Variants in CREBBP observed in about 807,000 individuals in gnomAD.
CREBBP encodes the protein CREB binding lysine acetyltransferase.
In CREBBP, 19 loss-of-function variants were observed where a neutral mutation model predicts 265.0. The ratio of observed to expected loss-of-function variants is 0.07; its 90% CI spans 0.05 to 0.11. The LOEUF is 0.11. Among genes scored for constraint, CREBBP ranks in the 10% least tolerant of loss-of-function variants. CREBBP has a pLI of 1.00. For synonymous variants in CREBBP, 1,457 were observed against 1,223.7 expected, an observed-to-expected ratio of 1.19 and a Z score of -3.98; for missense variants, 2,525 against 3,219.0, an observed-to-expected ratio of 0.78 and a Z score of 5.22.
chr16:3,741,080 C>T (rs748591615), intron 23 of CREBBP: 4 of 186,432 alleles, frequency 2.1e-5, no homozygotes, highest in Non-Finnish European at 4.6e-5. Context: ...CCTGAGCCAT[C>T]GCCTCGTGCG....
intron 1 of CREBBP, among the ~76,000 whole-genome samples, chr16:3,869,401 G>C (rs992565261): frequency 1.3e-5 from 2 of 152,198 alleles, no homozygotes; most frequent in Non-Finnish European, 2.9e-5. Context: ...GAATATTTTT[G>C]AAGGAGTCTT....
chr16:3,773,215 G>C (rs996936849), intron 13 of CREBBP, among the ~76,000 whole-genome samples: 3 of 152,002 alleles, frequency 2.0e-5, no homozygotes, highest in Non-Finnish European at 2.9e-5. Flanking sequence ...AACAAAAGAG[G>C]AAAAAAGGAA....
chr16:3,834,988 C>A (rs2054415277), intron 2 of CREBBP, among the ~76,000 whole-genome samples: 1 of 152,198 alleles, frequency 6.6e-6, no homozygotes, highest in South Asian at 2.1e-4. Context: ...GAAACCCCGT[C>A]TCTAGTAAAA....
intron 1 of CREBBP, among the ~76,000 whole-genome samples, chr16:3,860,062 C>G (rs2055041944): frequency 6.6e-6 from 1 of 152,094 alleles, no homozygotes; most frequent in Non-Finnish European, 1.5e-5. Context: ...ACCGTGGGAT[C>G]TGACACCATC....
chr16:3,805,214 A>G (rs2053804596), intron 3 of CREBBP, among the ~76,000 whole-genome samples: 1 of 152,260 alleles, frequency 6.6e-6, no homozygotes. Flanking sequence ...ACTCTTAAGA[A>G]TACACAAACA....
chr16:3,745,326 T>G lies in CREBBP; in HGVS notation c.3865A>C (p.Lys1289Gln). The G allele has an allele frequency of 6.2e-7, 1 of 1,614,120 alleles. No individual in the cohort carries two copies. Among genetic ancestry groups the G allele is most frequent in the Non-Finnish European group, 8.5e-7 (1 of 1,179,998 alleles). Residue 1289 changes from lysine (K) to glutamine (Q), a missense_variant, in exon 22 of 31, where the codon AAG (lysine) becomes CAG (glutamine). Physicochemically the swap from Lys to Gln is moderately conservative, Grantham distance 53. Transcript: ENST00000262367. ...TGCAGAACGCAAATCTGATGCATCT[T>G]CCGGCCACACTCCTTGCAATCAACG... is the stretch of plus-strand genomic sequence containing the variant. ...PFVDCKECGR[K>Q]MHQICVLHYD...
In CREBBP at chr16:3,735,970, C is replaced by T. The variant is rs2052047010; in HGVS notation, c.4728+66G>A. 6 of 1,613,710 alleles carry T rather than the reference C, an allele frequency of 3.7e-6. No individual in the cohort carries two copies. In the South Asian group the frequency reaches 4.4e-5, roughly 12 times the overall value. ...AGGACCTAACAGTCGACACGCGCCT[C>T]CCAGCCTGCCACCCTGCAGCTCCAG... On this transcript the variant is annotated intron_variant, in intron 28 of 30. Coordinates refer to ENST00000262367, the MANE Select transcript of CREBBP (RefSeq NM_004380.3).
intron 2 of CREBBP, chr16:3,813,065 A>C (rs1596989127): frequency 4.4e-6 from 1 of 229,068 alleles, no homozygotes; most frequent in East Asian, 6.2e-5. Flanking sequence ...CAGCTCTAAA[A>C]GTCTAGGCTA....
chr16:3,845,043 T>C (rs1024180755), intron 2 of CREBBP, among the ~76,000 whole-genome samples: 1 of 152,220 alleles, frequency 6.6e-6, no homozygotes, highest in Non-Finnish European at 1.5e-5. Context: ...TAGTGAATCT[T>C]ATAAATCCAA....
At chr16:3,819,798 A>G (rs1337039580) in intron 2 of CREBBP, among the ~76,000 whole-genome samples, 1 of 152,232 alleles carries the variant, frequency 6.6e-6, no homozygotes, top group African/African-American at 2.4e-5. Flanking sequence ...AAAATACCCT[A>G]GCCTAACATT....
intron 2 of CREBBP, among the ~76,000 whole-genome samples, chr16:3,819,023 A>G (rs1156421258): frequency 1.3e-5 from 2 of 152,224 alleles, no homozygotes; most frequent in Non-Finnish European, 2.9e-5. Flanking sequence ...CTTCAAGTTC[A>G]CCGGCCTCAC....
At chr16:3,839,965 A>T (rs962012242) in intron 2 of CREBBP, among the ~76,000 whole-genome samples, 1 of 152,132 alleles carries the variant, frequency 6.6e-6, no homozygotes, top group Non-Finnish European at 1.5e-5. Flanking sequence ...ACCTATGATC[A>T]TCTCTCATTA....
intron 1 of CREBBP, among the ~76,000 whole-genome samples, chr16:3,869,066 G>A (rs1167945493): frequency 1.3e-5 from 2 of 152,130 alleles, no homozygotes; most frequent in African/African-American, 4.8e-5. Context: ...CCTCCACCCT[G>A]CTATGAGTGC....
intron 28 of CREBBP, among the ~76,000 whole-genome samples, chr16:3,734,501 G>A (rs2052000356): frequency 6.6e-6 from 1 of 152,150 alleles, no homozygotes; most frequent in Non-Finnish European, 1.5e-5. Flanking sequence ...GCCCCCTCCT[G>A]GGGTGGAACT....
chr16:3,822,371 G>T (rs921669779), intron 2 of CREBBP, among the ~76,000 whole-genome samples: 1 of 152,188 alleles, frequency 6.6e-6, no homozygotes, highest in Non-Finnish European at 1.5e-5. Context: ...AACTCACAAG[G>T]CTTTAAGACA....
At chr16:3,822,534 C>T (rs1176348001) in intron 2 of CREBBP, among the ~76,000 whole-genome samples, 3 of 152,146 alleles carry the variant, frequency 2.0e-5, no homozygotes, top group Non-Finnish European at 2.9e-5. Flanking sequence ...GGAAGAACAG[C>T]TCGTGGGATG....
At chr16:3,830,406 A>C (rs1303678045) in intron 2 of CREBBP, among the ~76,000 whole-genome samples, 1 of 152,178 alleles carries the variant, frequency 6.6e-6, no homozygotes, top group Non-Finnish European at 1.5e-5. Flanking sequence ...TATCAAAACA[A>C]AACAAAACAA....
chr16:3,776,612 T>C lies in CREBBP; in HGVS notation c.2158+1001A>G, dbSNP rs148756600. ...AGCAGTCTAGGACTGTCTTGCATGC[T>C]TCTCCTTCTCAGCATTCAGAAGCAC... On this transcript the variant is annotated intron_variant, in intron 11 of 30. Transcript: ENST00000262367. Among the ~76,000 whole-genome samples, 595 of 152,250 alleles carry C rather than the reference T, an allele frequency of 3.9e-3. 5 individuals are homozygous for C. The highest frequency in any genetic ancestry group is 0.014 in the African/African-American group (575 of 41,538).
chr16:3,744,685 C>T (rs1455238589), intron 23 of CREBBP, among the ~76,000 whole-genome samples: 2 of 152,186 alleles, frequency 1.3e-5, no homozygotes, highest in Non-Finnish European at 2.9e-5. Flanking sequence ...CCCTGAAGAA[C>T]ATTCTTGCAT....
Sources: allele counts gnomAD v4.1 joint callset (sites outside exome capture counted in the v4.1 genomes callset), GRCh38; gene constraint gnomAD v4.1.1; transcripts MANE v1.5; gene names NCBI Gene and HGNC (gene_info 2026-07-23, HGNC 2026-07-21).